The following RGS7 variants were observed in gnomAD, a reference collection of about 807,000 sequenced individuals.
The protein encoded by RGS7 is regulator of G-protein signaling 7.
Under a neutral mutation model 81.1 loss-of-function variants are expected in RGS7, and 27 were observed. The ratio of observed to expected loss-of-function variants is 0.33; its 90% CI spans 0.25 to 0.46. The LOEUF is 0.46. Ranked by LOEUF, RGS7 falls within the 20% of genes least tolerant of loss-of-function variation. RGS7 has a pLI of 1.00. For missense variants in RGS7, 396 were observed against 607.4 expected (o/e 0.65, Z 3.66); for synonymous variants, 208 against 207.7 (o/e 1.00, Z -0.01).
At chr1:241,123,196 G>A (rs1291109831) in intron 2 of RGS7, among the ~76,000 whole-genome samples, 1 of 152,070 alleles carries the variant, frequency 6.6e-6, no homozygotes, top group Non-Finnish European at 1.5e-5. Context: ...AACACCCTTG[G>A]CTCTGAGGAC....
At chr1:241,277,108 C>A (rs896933427) in intron 2 of RGS7, among the ~76,000 whole-genome samples, 8 of 152,196 alleles carry the variant, frequency 5.3e-5, no homozygotes, top group Non-Finnish European at 1.5e-5. Context: ...AGCGTTGCTA[C>A]ATTTTTAAAA....
intron 4 of RGS7, among the ~76,000 whole-genome samples, chr1:240,958,324 T>C (rs58613044): frequency 0.065 from 9,874 of 152,286 alleles, 807 homozygotes; most frequent in African/African-American, 0.19. Context: ...TCCTTGTATT[T>C]ACAAGGTTAG....
intron 3 of RGS7, among the ~76,000 whole-genome samples, chr1:240,994,105 T>G (rs188363414): frequency 6.6e-6 from 1 of 152,338 alleles, no homozygotes; most frequent in East Asian, 1.9e-4. Context: ...ATATATAATA[T>G]AAACATAAAA....
intron 2 of RGS7, among the ~76,000 whole-genome samples, chr1:241,319,093 G>T (rs1348401246): frequency 1.3e-5 from 2 of 152,174 alleles, no homozygotes; most frequent in African/African-American, 4.8e-5. Context: ...CCATACAGAT[G>T]TGATAGCACC....
At chr1:240,977,774 C>G (rs1220570833) in intron 4 of RGS7, among the ~76,000 whole-genome samples, 1 of 152,188 alleles carries the variant, frequency 6.6e-6, no homozygotes, top group Non-Finnish European at 1.5e-5. Context: ...ATCCCATTCA[C>G]TGTAGTACAT....
rs553856615 is a variant in RGS7 at position 241,311,543 on chromosome 1, A to G, written c.78+44156T>C. Among the ~76,000 whole-genome samples the G allele has an allele frequency of 2.6e-5, 4 of 152,294 alleles. No individual in the cohort carries two copies. The East Asian group carries it at 7.7e-4, about 29-fold the overall frequency. ...GAAAGAGGATTGTCTGAAGCTGGAG[A>G]GCTGTCATGCCAGTAGGAGGTGTTA... On this transcript the variant is annotated intron_variant, in intron 2 of 18. Coordinates refer to ENST00000440928, the MANE Select transcript of RGS7 (RefSeq NM_001364886.1).
intron 3 of RGS7, among the ~76,000 whole-genome samples, chr1:241,080,586 T>C (rs2063076571): frequency 6.6e-6 from 1 of 152,216 alleles, no homozygotes; most frequent in Non-Finnish European, 1.5e-5. Context: ...TTTTCAGTTT[T>C]TGCTCACCTT....
intron 13 of RGS7, among the ~76,000 whole-genome samples, chr1:240,813,329 G>A (rs996740057): frequency 6.6e-6 from 1 of 152,156 alleles, no homozygotes; most frequent in African/African-American, 2.4e-5. Flanking sequence ...GAAGATAATA[G>A]CAATGAGCTA....
chr1:241,015,185 A>C (rs1173110471), intron 3 of RGS7, among the ~76,000 whole-genome samples: 1 of 152,224 alleles, frequency 6.6e-6, no homozygotes, highest in Non-Finnish European at 1.5e-5. Context: ...AAGATCTTCT[A>C]AGATAATCCT....
chr1:240,804,998 A>C (rs904549297), intron 15 of RGS7, among the ~76,000 whole-genome samples: 2 of 152,206 alleles, frequency 1.3e-5, no homozygotes, highest in African/African-American at 2.4e-5. Flanking sequence ...TTTAAAAGGT[A>C]CTTTTTAGAA....
intron 9 of RGS7, among the ~76,000 whole-genome samples, chr1:240,850,994 G>A (rs1660000447): frequency 6.6e-6 from 1 of 152,192 alleles, no homozygotes; most frequent in Admixed American, 6.5e-5. Flanking sequence ...TAACATAAAA[G>A]TGCAAGATGG....
chr1:240,824,632 T>TGCAGTG (rs1399937688), intron 10 of RGS7, among the ~76,000 whole-genome samples: 1 of 152,222 alleles, frequency 6.6e-6, no homozygotes, highest in Non-Finnish European at 1.5e-5. Context: ...ACTGACAAAA[T>TGCAGTG]GCAGTGGCAA....
intron 2 of RGS7, among the ~76,000 whole-genome samples, chr1:241,325,034 C>T (rs1259362086): frequency 6.6e-6 from 1 of 152,196 alleles, no homozygotes; most frequent in Non-Finnish European, 1.5e-5. Context: ...AACAAGGTAA[C>T]CCTGATATGG....
intron 3 of RGS7, among the ~76,000 whole-genome samples, chr1:241,078,735 ATACT>A (rs1324372706): frequency 2.0e-5 from 3 of 152,186 alleles, no homozygotes; most frequent in Admixed American, 2.0e-4. Context: ...CATTTAAGGA[ATACT>A]TACTGAATGC....
At chr1:241,087,885 G>T (rs1479231168) in intron 3 of RGS7, among the ~76,000 whole-genome samples, 1 of 150,772 alleles carries the variant, frequency 6.6e-6, no homozygotes, top group African/African-American at 2.4e-5. Context: ...GAAGGCAGAA[G>T]TTGCAGTGAG....
At chr1:240,891,280 A>G (rs1668252727) in intron 6 of RGS7, among the ~76,000 whole-genome samples, 2 of 152,224 alleles carry the variant, frequency 1.3e-5, no homozygotes. Context: ...ATGCAAATGT[A>G]AGATTAACTA....
intron 3 of RGS7, among the ~76,000 whole-genome samples, chr1:241,007,520 C>T (rs1323597032): frequency 6.6e-6 from 1 of 152,098 alleles, no homozygotes; most frequent in African/African-American, 2.4e-5. Context: ...CTAAACTCTA[C>T]GTTGCTCAAG....
At chr1:240,994,548 A>G (rs1686982347) in intron 3 of RGS7, among the ~76,000 whole-genome samples, 1 of 152,068 alleles carries the variant, frequency 6.6e-6, no homozygotes, top group African/African-American at 2.4e-5. Flanking sequence ...CTCGATTCTT[A>G]GTTCTAGAAG....
intron 6 of RGS7, among the ~76,000 whole-genome samples, chr1:240,889,961 G>A (rs995753025): frequency 6.6e-6 from 1 of 152,142 alleles, no homozygotes; most frequent in African/African-American, 2.4e-5. Context: ...TGTCTGACCC[G>A]TGTACAATTA....
Sources: allele counts gnomAD v4.1 joint callset (sites outside exome capture counted in the v4.1 genomes callset), GRCh38; gene constraint gnomAD v4.1.1; transcripts MANE v1.5; gene names NCBI Gene and HGNC (gene_info 2026-07-23, HGNC 2026-07-21).